The following SEPTIN11 variants were observed in gnomAD, a reference collection of about 807,000 sequenced individuals.
SEPTIN11 encodes the protein septin-11.
A neutral mutation model predicts 51.4 loss-of-function variants in SEPTIN11; 25 were observed. The observed-to-expected ratio is 0.49, with a 90% CI of 0.35 to 0.68. The LOEUF is 0.68. Among genes scored for constraint, SEPTIN11 ranks in the 30% least tolerant of loss-of-function variants. The probability of loss-of-function intolerance (pLI) is 0.00; values close to 1 mark genes in which losing one functional copy is unlikely to be tolerated. For missense variants in SEPTIN11, 381 were observed against 520.8 expected (o/e 0.73, Z 2.61); for synonymous variants, 174 against 184.1 (o/e 0.95, Z 0.44).
intron 1 of SEPTIN11, among the ~76,000 whole-genome samples, chr4:76,951,326 T>C (rs1365740860): frequency 6.6e-6 from 1 of 152,230 alleles, no homozygotes; most frequent in Non-Finnish European, 1.5e-5. Context: ...ATCATGACTG[T>C]CTTTTAGGCC....
At chr4:76,975,636 G>A (rs899336871) in intron 1 of SEPTIN11, among the ~76,000 whole-genome samples, 3 of 152,144 alleles carry the variant, frequency 2.0e-5, no homozygotes, top group East Asian at 1.9e-4. Context: ...TCACTCTGAT[G>A]CAGCGTATTC....
At chr4:76,958,406 A>G (rs1335315708) in intron 1 of SEPTIN11, among the ~76,000 whole-genome samples, 5 of 152,192 alleles carry the variant, frequency 3.3e-5, no homozygotes, top group African/African-American at 1.2e-4. Flanking sequence ...TGATTACTCT[A>G]CAGTCCCCTT....
intron 2 of SEPTIN11, among the ~76,000 whole-genome samples, chr4:76,998,282 A>C (rs1484166430): frequency 6.6e-6 from 1 of 151,808 alleles, no homozygotes; most frequent in Non-Finnish European, 1.5e-5. Flanking sequence ...TTCATCTCCC[A>C]CCCCCATTTC....
At chr4:76,985,170 G>A (rs1722961792) in intron 1 of SEPTIN11, 1 of 152,196 alleles carries the variant, frequency 6.6e-6, no homozygotes, top group Non-Finnish European at 1.5e-5. Flanking sequence ...AGTCACTTGT[G>A]CTCAGAGAGA....
At chr4:77,003,569 C>T (rs1042239695) in intron 2 of SEPTIN11, among the ~76,000 whole-genome samples, 1 of 152,142 alleles carries the variant, frequency 6.6e-6, no homozygotes, top group Admixed American at 6.6e-5. Flanking sequence ...CTTAGATGTT[C>T]AGGGACACAC....
chr4:76,957,458 A>G (rs895204435), intron 1 of SEPTIN11, among the ~76,000 whole-genome samples: 4 of 152,168 alleles, frequency 2.6e-5, no homozygotes, highest in African/African-American at 9.7e-5. Context: ...TCCTTAGGCA[A>G]GTTACTTCCC....
At chr4:76,990,151 A>G (rs1052805546) in intron 1 of SEPTIN11, among the ~76,000 whole-genome samples, 7 of 151,510 alleles carry the variant, frequency 4.6e-5, no homozygotes, top group Admixed American at 2.0e-4. Context: ...CCTTTTTTCA[A>G]TCCTCCCCGC....
At chr4:76,976,139 C>T (rs1295260143) in intron 1 of SEPTIN11, among the ~76,000 whole-genome samples, 3 of 152,142 alleles carry the variant, frequency 2.0e-5, no homozygotes, top group African/African-American at 7.2e-5. Context: ...TATGAGGTAT[C>T]TACTTATATA....
At chr4:76,967,573 T>C (rs1348275706) in intron 1 of SEPTIN11, among the ~76,000 whole-genome samples, 3 of 152,240 alleles carry the variant, frequency 2.0e-5, no homozygotes, top group Non-Finnish European at 2.9e-5. Context: ...ATTTGGAATT[T>C]GATGTGAAAT....
In SEPTIN11 at chr4:77,038,035, C is replaced by T; in HGVS notation, c.*3523C>T. The T allele has an allele frequency of 1.0e-6, 1 of 985,862 alleles. No homozygotes were observed. Among genetic ancestry groups the T allele is most frequent in the South Asian group, 4.7e-5 (1 of 21,290 alleles). 61.1% of individuals were successfully genotyped at this position (985,862 alleles called of 1,614,324 possible). A position where few individuals can be genotyped will look rare whatever the true frequency, so the allele number is the denominator to read the frequency against. ...TTTTCAGCTGTTACCGACCCACGTCCTGCTGTCTCTGTGTGGTCCTACAAA... is the reference window on the plus strand; with the variant it reads ...TTTTCAGCTGTTACCGACCCACGTCTTGCTGTCTCTGTGTGGTCCTACAAA... On this transcript the variant is annotated 3_prime_UTR_variant, in exon 10 of 10. Coordinates refer to ENST00000264893, the MANE Select transcript of SEPTIN11 (RefSeq NM_018243.4).
intron 5 of SEPTIN11, among the ~76,000 whole-genome samples, chr4:77,016,657 C>CATATATATATATATAT (rs1560736525): frequency 1.3e-5 from 1 of 79,218 alleles, no homozygotes; most frequent in Non-Finnish European, 2.4e-5. Context: ...TATATATATA[C>CATATATATATATATAT]ACATATATAT....
Position 77,038,597 on chromosome 4 carries a change from T to C in SEPTIN11, c.*4085T>C. ...CCAAGACATAAAGCGGGGGAAAATA[T>C]ATTTTTACCCAAACATTATTTGTGT... On this transcript the variant is annotated 3_prime_UTR_variant, in exon 10 of 10. Coordinates refer to ENST00000264893, the MANE Select transcript of SEPTIN11 (RefSeq NM_018243.4). 10 of 993,662 alleles carry C rather than the reference T, an allele frequency of 1.0e-5. No individual in the cohort carries two copies. The highest frequency in any genetic ancestry group is 1.2e-5 in the Non-Finnish European group (10 of 835,110). 61.6% of individuals were successfully genotyped at this position (993,662 alleles called of 1,614,324 possible). A position where few individuals can be genotyped will look rare whatever the true frequency, so the allele number is the denominator to read the frequency against.
chr4:76,996,942 C>T (rs1279454855), intron 2 of SEPTIN11, among the ~76,000 whole-genome samples: 1 of 136,454 alleles, frequency 7.3e-6, no homozygotes, highest in African/African-American at 2.8e-5. Flanking sequence ...TGCAGTGGGG[C>T]GATCTTGGCT....
chr4:76,974,915 G>A, intron 1 of SEPTIN11: 2 of 454,592 alleles, frequency 4.4e-6, no homozygotes, highest in South Asian at 3.1e-5. Context: ...TTGAGGCCAG[G>A]AGTTCAAGAC....
intron 5 of SEPTIN11, among the ~76,000 whole-genome samples, chr4:77,017,726 A>G (rs1312358270): frequency 6.6e-6 from 1 of 152,240 alleles, no homozygotes; most frequent in African/African-American, 2.4e-5. Flanking sequence ...AGAACACTGG[A>G]TCAAGGAACT....
chr4:77,025,885 C>G (rs1726097721), intron 7 of SEPTIN11, among the ~76,000 whole-genome samples: 1 of 152,194 alleles, frequency 6.6e-6, no homozygotes, highest in South Asian at 2.1e-4. Flanking sequence ...TTTGCCTGCT[C>G]TGGCCCAGGG....
In SEPTIN11 at chr4:76,996,763, A is replaced by G. The variant is rs372532338; in HGVS notation, c.142+224A>G. 8.5e-5 allele frequency among the ~76,000 whole-genome samples: 13 copies of G among 152,302 alleles called. No individual in the cohort carries two copies. The East Asian group carries it at 1.5e-3, about 18-fold the overall frequency. On this transcript the variant is annotated intron_variant, in intron 2 of 9. Transcript: ENST00000264893. ...GTTTTGTCATGTTACTCAAATTACT[A>G]TTAGTATTTCTGTCACACAGTTAAG...
intron 1 of SEPTIN11, among the ~76,000 whole-genome samples, chr4:76,992,718 T>C (rs1036201357): frequency 6.6e-6 from 1 of 150,970 alleles, no homozygotes; most frequent in African/African-American, 2.4e-5. Flanking sequence ...AGAAGAATGT[T>C]TGGTGAAATT....
intron 1 of SEPTIN11, among the ~76,000 whole-genome samples, chr4:76,995,085 T>TA (rs34406268): frequency 1.6e-3 from 218 of 137,086 alleles, no homozygotes; most frequent in African/African-American, 4.7e-3. Context: ...ACCCTGTCTC[T>TA]AAAAAAAAAA....
Sources: allele counts gnomAD v4.1 joint callset (sites outside exome capture counted in the v4.1 genomes callset), GRCh38; gene constraint gnomAD v4.1.1; transcripts MANE v1.5; gene names NCBI Gene and HGNC (gene_info 2026-07-23, HGNC 2026-07-21).